Variants in MAP2 observed in about 807,000 individuals in gnomAD.
The protein encoded by MAP2 is microtubule-associated protein 2.
A neutral mutation model predicts 137.6 loss-of-function variants in MAP2; 14 were observed. The ratio of observed to expected loss-of-function variants is 0.10; its 90% confidence interval spans 0.07 to 0.16. The LOEUF is 0.16. Ranked by LOEUF, MAP2 falls within the 10% of genes least tolerant of loss-of-function variation. MAP2 has a pLI of 1.00. For synonymous variants in MAP2, 786 were observed against 782.3 expected (o/e 1.00, Z -0.08); for missense variants, 2,088 against 2,191.5 (o/e 0.95, Z 0.94).
At position 209,731,308 on chromosome 2, in the gene MAP2, G is replaced by A. The variant is rs1174675987; in HGVS notation, c.*911G>A. ...TTTAGATATGTGAAAGTAGATGTTA[G>A]CAGGGTTCTCTCCCTATTTAAAAAA... On this transcript the variant is annotated 3_prime_UTR_variant, in exon 16 of 16. Coordinates refer to ENST00000682079, the MANE Select transcript of MAP2 (RefSeq NM_001375505.1). 1 of 152,190 alleles carries A rather than the reference G, an allele frequency of 6.6e-6. No individual in the cohort carries two copies. The highest frequency in any genetic ancestry group is 1.5e-5 in the Non-Finnish European group (1 of 67,986). 9.4% of individuals were successfully genotyped at this position (152,190 alleles called of 1,614,324 possible).
At chr2:209,507,891 G>A (rs567812934) in intron 2 of MAP2, among the ~76,000 whole-genome samples, 7 of 151,692 alleles carry the variant, frequency 4.6e-5, no homozygotes, top group South Asian at 2.1e-4. Context: ...CCTGAGTTTC[G>A]AATAATGAAA....
At chr2:209,585,853 C>G (rs1344862166) in intron 3 of MAP2, among the ~76,000 whole-genome samples, 3 of 152,098 alleles carry the variant, frequency 2.0e-5, no homozygotes, top group Non-Finnish European at 2.9e-5. Flanking sequence ...CAAAATGAGC[C>G]TCGGCTTTCC....
At chr2:209,523,604 C>T (rs528004791) in intron 2 of MAP2, among the ~76,000 whole-genome samples, 1 of 152,276 alleles carries the variant, frequency 6.6e-6, no homozygotes, top group East Asian at 1.9e-4. Flanking sequence ...CTGGAGGCTC[C>T]TGTCGTAATT....
Position 209,694,730 on chromosome 2 carries a change from A to T in MAP2, c.2560A>T (p.Asn854Tyr), listed in dbSNP as rs956457782. Residue 854 changes from asparagine (N) to tyrosine (Y), a missense_variant, in exon 8 of 16, where the codon AAC (asparagine) becomes TAC (tyrosine). By Grantham distance (143) the Asn-to-Tyr change is moderately radical (BLOSUM62 -2). This residue lies in a region of MAP2 where 500 missense variants were observed against 482.9 expected (regional missense o/e 1.04). Coordinates refer to ENST00000682079, the MANE Select transcript of MAP2 (RefSeq NM_001375505.1). Reference sequence around the variant, plus strand: ...TGGCTTGCCCCCGGTAACTGATGAAAACCATGTCATTGTAAAAACGGACAG... The same window carrying T: ...TGGCTTGCCCCCGGTAACTGATGAATACCATGTCATTGTAAAAACGGACAG... Reference protein sequence around the residue: ...RTGLPPVTDENHVIVKTDSQL... With the variant: ...RTGLPPVTDEYHVIVKTDSQL... The T allele has an allele frequency of 1.9e-6, 3 of 1,613,998 alleles. No individual in the cohort carries two copies. The highest frequency in any genetic ancestry group is 2.5e-6 in the Non-Finnish European group (3 of 1,180,022).
intron 3 of MAP2, among the ~76,000 whole-genome samples, chr2:209,587,477 C>T (rs533002451): frequency 3.8e-4 from 58 of 152,152 alleles, no homozygotes; most frequent in African/African-American, 1.3e-3. Context: ...GAGAATGCAT[C>T]GGTGTGTAGA....
chr2:209,542,672 A>C (rs78192109), intron 2 of MAP2, among the ~76,000 whole-genome samples: 4,122 of 152,280 alleles, frequency 0.027, 193 homozygotes, highest in African/African-American at 0.094. Context: ...CTTCACCTTT[A>C]ACTTTTATGT....
At chr2:209,580,358 A>T (rs2076137089) in intron 3 of MAP2, among the ~76,000 whole-genome samples, 1 of 152,006 alleles carries the variant, frequency 6.6e-6, no homozygotes, top group Non-Finnish European at 1.5e-5. Context: ...TTATTTGGAG[A>T]TTTTATCATT....
chr2:209,515,865 C>T (rs2062416549), intron 2 of MAP2, among the ~76,000 whole-genome samples: 1 of 152,134 alleles, frequency 6.6e-6, no homozygotes, highest in Non-Finnish European at 1.5e-5. Context: ...TGGCTCACTG[C>T]AGCCTTAACC....
chr2:209,614,647 C>T (rs905419134), intron 3 of MAP2, among the ~76,000 whole-genome samples: 1 of 152,236 alleles, frequency 6.6e-6, no homozygotes, highest in East Asian at 1.9e-4. Context: ...AAGAGAAACT[C>T]ACTTTTTAAA....
intron 2 of MAP2, among the ~76,000 whole-genome samples, chr2:209,541,194 C>T (rs1352492965): frequency 6.6e-6 from 1 of 151,014 alleles, no homozygotes; most frequent in East Asian, 1.9e-4. Flanking sequence ...TCATGCCTGA[C>T]TAATTTTTGT....
chr2:209,586,176 G>A (rs553963978), intron 3 of MAP2, among the ~76,000 whole-genome samples: 1 of 152,124 alleles, frequency 6.6e-6, no homozygotes, highest in Non-Finnish European at 1.5e-5. Flanking sequence ...TGAAAAGCAA[G>A]AAGGTAGTGA....
At chr2:209,499,159 T>C (rs1344816517) in intron 1 of MAP2, among the ~76,000 whole-genome samples, 2 of 152,180 alleles carry the variant, frequency 1.3e-5, no homozygotes, top group East Asian at 3.9e-4. Flanking sequence ...CCAGGCCTCC[T>C]CTTGAATGTA....
intron 1 of MAP2, among the ~76,000 whole-genome samples, chr2:209,506,561 G>A (rs771059511): frequency 3.6e-4 from 55 of 152,248 alleles, no homozygotes; most frequent in Non-Finnish European, 6.5e-4. Context: ...ATTTTGAAGT[G>A]GTTTTGTTTA....
chr2:209,576,595 T>C (rs567018741), intron 2 of MAP2, among the ~76,000 whole-genome samples: 1 of 152,284 alleles, frequency 6.6e-6, no homozygotes, highest in African/African-American at 2.4e-5. Context: ...GGAAATCCTG[T>C]TTCCCACTTT....
chr2:209,593,619 CAAAAA>C lies in MAP2; in HGVS notation c.-107+13531_-107+13535del, dbSNP rs781329429. Among the ~76,000 whole-genome samples the C allele has an allele frequency of 4.8e-3, 14 of 2,932 alleles. 2 individuals are homozygous for C. The highest frequency in any genetic ancestry group is 5.7e-3 in the Non-Finnish European group (6 of 1,056). 1.9% of individuals were successfully genotyped at this position (2,932 alleles called of 152,430 possible). A position where few individuals can be genotyped will look rare whatever the true frequency, so the allele number is the denominator to read the frequency against. On this transcript the variant is annotated intron_variant, in intron 3 of 15. Transcript: ENST00000682079. ...GCAACACACCAAGACCCTGTCTCTA[CAAAAA>C]AAAAAAAAAAATATATATATATATA...
rs554770386 is a variant in MAP2, at chr2:209,445,548, T to C, written c.-222+21272T>C. On this transcript the variant is annotated intron_variant, in intron 1 of 15. Transcript: ENST00000682079. Reference sequence around the variant, plus strand: ...GAAAAGTTGGTGCTCTTGTTTCTTATGGAAAAGCAAAAATCACTCAGAACA... The same window carrying C: ...GAAAAGTTGGTGCTCTTGTTTCTTACGGAAAAGCAAAAATCACTCAGAACA... 6.6e-5 allele frequency among the ~76,000 whole-genome samples: 10 copies of C among 151,652 alleles called. No homozygotes were observed. The South Asian group carries it at 2.1e-3, about 31-fold the overall frequency.
At chr2:209,702,132 G>A (rs2061939680) in intron 11 of MAP2, among the ~76,000 whole-genome samples, 1 of 151,978 alleles carries the variant, frequency 6.6e-6, no homozygotes, top group African/African-American at 2.4e-5. Flanking sequence ...AAATAAGTCT[G>A]ACCTTTCCTC....
intron 3 of MAP2, among the ~76,000 whole-genome samples, chr2:209,603,520 C>T (rs756997010): frequency 9.9e-5 from 15 of 152,074 alleles, no homozygotes; most frequent in East Asian, 1.9e-4. Flanking sequence ...AAAGCAGGCA[C>T]GGAGTAACCA....
chr2:209,559,525 C>T (rs2071507744), intron 2 of MAP2, among the ~76,000 whole-genome samples: 1 of 148,670 alleles, frequency 6.7e-6, no homozygotes, highest in African/African-American at 2.5e-5. Flanking sequence ...GTGAAGCATG[C>T]CTGTAATCCC....
Sources: allele counts gnomAD v4.1 joint callset (sites outside exome capture counted in the v4.1 genomes callset), GRCh38; gene constraint gnomAD v4.1.1; regional missense constraint gnomAD v4.1.1; transcripts MANE v1.5; gene names NCBI Gene and HGNC (gene_info 2026-07-23, HGNC 2026-07-21).